The following NT5DC3 variants were observed in gnomAD, a reference collection of about 807,000 sequenced individuals.
NT5DC3 encodes the protein 5'-nucleotidase domain-containing protein 3.
In NT5DC3, 42 loss-of-function variants were observed where a neutral mutation model predicts 67.8. The ratio of observed to expected loss-of-function variants is 0.62; its 90% CI spans 0.48 to 0.80. NT5DC3 has a LOEUF of 0.80. NT5DC3 is among the 30% of genes least tolerant of loss of function. NT5DC3 has a pLI of 0.00. For synonymous variants in NT5DC3, 237 were observed against 255.6 expected (o/e 0.93, Z 0.69); for missense variants, 570 against 696.4 (o/e 0.82, Z 2.04).
At position 103,841,234 on chromosome 12, in the gene NT5DC3, T is replaced by C; in HGVS notation, c.-78A>G. On this transcript the variant is annotated 5_prime_UTR_variant, in exon 1 of 14. Transcript: ENST00000392876. ...CCCGGCCCAAGATCTACCCGCGCTC[T>C]GCCCTGCAGGAGGGCAGCTCCTGCG... 1 of 480,612 alleles carries C rather than the reference T, an allele frequency of 2.1e-6. No individual in the cohort carries two copies. The highest frequency in any genetic ancestry group is 3.6e-6 in the Non-Finnish European group (1 of 275,120). The allele number at this position is 480,612 out of a possible 1,614,324, so 29.8% of individuals were successfully genotyped here. A position where few individuals can be genotyped will look rare whatever the true frequency, so the allele number is the denominator to read the frequency against.
intron 1 of NT5DC3, among the ~76,000 whole-genome samples, chr12:103,824,601 C>T (rs1435289933): frequency 6.6e-6 from 1 of 152,168 alleles, no homozygotes; most frequent in Non-Finnish European, 1.5e-5. Context: ...TGTATTTTCA[C>T]TTTATAGTTT....
intron 6 of NT5DC3, among the ~76,000 whole-genome samples, chr12:103,795,622 T>C (rs1886276848): frequency 6.6e-6 from 1 of 152,118 alleles, no homozygotes; most frequent in Non-Finnish European, 1.5e-5. Context: ...CTTATAAATA[T>C]ATAACAAAAA....
At chr12:103,810,551 A>G (rs562810888) in intron 2 of NT5DC3, among the ~76,000 whole-genome samples, 3 of 152,268 alleles carry the variant, frequency 2.0e-5, no homozygotes, top group African/African-American at 2.4e-5. Context: ...AATATAAAAG[A>G]TAAAGCCCTT....
At chr12:103,815,866 GATTT>G (rs1466902592) in intron 1 of NT5DC3, among the ~76,000 whole-genome samples, 1 of 152,096 alleles carries the variant, frequency 6.6e-6, no homozygotes, top group Non-Finnish European at 1.5e-5. Context: ...TCACAAAAAA[GATTT>G]GTTTAAAAAA....
At chr12:103,823,200 T>C (rs961029804) in intron 1 of NT5DC3, among the ~76,000 whole-genome samples, 22 of 151,220 alleles carry the variant, frequency 1.5e-4, no homozygotes, top group African/African-American at 5.3e-4. Flanking sequence ...AGGTGAAAAA[T>C]TTCCCGGAGA....
rs137949056 is a variant in NT5DC3, at chr12:103,779,252, C to T, written c.1394+1048G>A. Among the ~76,000 whole-genome samples, 449 of 152,262 alleles carry T rather than the reference C, an allele frequency of 2.9e-3. 2 individuals carry two copies. Among genetic ancestry groups the T allele is most frequent in the Middle Eastern group, 0.024 (7 of 294 alleles). ...CCATAACCCCCTGCAGTCATCCTTACGGGCATGTATATCTATATCAACATC... is the reference window on the plus strand; with the variant it reads ...CCATAACCCCCTGCAGTCATCCTTATGGGCATGTATATCTATATCAACATC... On this transcript the variant is annotated intron_variant, in intron 13 of 13. Transcript: ENST00000392876.
chr12:103,801,800 T>C (rs1485102225), intron 4 of NT5DC3, among the ~76,000 whole-genome samples: 1 of 152,140 alleles, frequency 6.6e-6, no homozygotes, highest in Non-Finnish European at 1.5e-5. Context: ...AGAATGGAAA[T>C]GGCCACACGC....
chr12:103,786,137 C>T lies in NT5DC3; in HGVS notation c.1189-662G>A, dbSNP rs1051071718. ...CAATGCACAAAAAAACTGAGAAATC[C>T]CAGCCCTCGTGGAAAATACAGACAA... On this transcript the variant is annotated intron_variant, in intron 11 of 13. Transcript: ENST00000392876. Among the ~76,000 whole-genome samples the T allele has an allele frequency of 2.6e-5, 4 of 151,874 alleles. No individual in the cohort carries two copies. The East Asian group carries it at 5.8e-4, about 22-fold the overall frequency.
chr12:103,793,928 A>G lies in NT5DC3; in HGVS notation c.814+9T>C. The G allele has an allele frequency of 6.2e-7, 1 of 1,604,394 alleles. No individual in the cohort carries two copies. Among genetic ancestry groups the G allele is most frequent in the South Asian group, 1.1e-5 (1 of 90,792 alleles). On this transcript the variant is annotated intron_variant, in intron 7 of 13. Coordinates refer to ENST00000392876, the MANE Select transcript of NT5DC3 (RefSeq NM_001031701.3). ...TGAAACTCTCTTCGTGATACTGCTG[A>G]GCACATACCAATGTCTGCTTCAATT...
At position 103,778,051 on chromosome 12, in the gene NT5DC3, C is replaced by A. The variant is rs771399204; in HGVS notation, c.1425G>T (p.Gln475His). ...REMTKSFFNA[Q>H]FGSLFRTDQN... is the part of the protein sequence containing the mutation. ...GGTCTGTGCGGAACAGGCTTCCAAA[C>A]TGGGCATTGAAGAAACTCTTGGTCA... is the stretch of plus-strand genomic sequence containing the variant. Residue 475 changes from glutamine to histidine, a missense_variant, in exon 14 of 14, where the codon CAG (glutamine) becomes CAT (histidine). Coordinates refer to ENST00000392876, the MANE Select transcript of NT5DC3 (RefSeq NM_001031701.3). 2 of 1,613,676 alleles carry A rather than the reference C, an allele frequency of 1.2e-6. No individual in the cohort carries two copies. The highest frequency in any genetic ancestry group is 1.7e-6 in the Non-Finnish European group (2 of 1,179,848).
In NT5DC3 at chr12:103,777,590, C is replaced by A; in HGVS notation, c.*239G>T. On this transcript the variant is annotated 3_prime_UTR_variant, in exon 14 of 14. Coordinates refer to ENST00000392876, the MANE Select transcript of NT5DC3 (RefSeq NM_001031701.3). ...TCCAGGACCTCAGTAAACAAAAAGG[C>A]AAAATCAGAGTTCCAATGTGAAGCT... 1.9e-6 allele frequency: 1 copy of A among 535,362 alleles called. No homozygotes were observed. The highest frequency in any genetic ancestry group is 3.0e-5 in the South Asian group (1 of 33,272). 33.2% of individuals were successfully genotyped at this position (535,362 alleles called of 1,614,324 possible). A position where few individuals can be genotyped will look rare whatever the true frequency, so the allele number is the denominator to read the frequency against.
At chr12:103,824,032 T>C (rs150942442) in intron 1 of NT5DC3, among the ~76,000 whole-genome samples, 2 of 152,342 alleles carry the variant, frequency 1.3e-5, no homozygotes, top group East Asian at 3.9e-4. Context: ...TCTTCTAATA[T>C]GCTAGGGAAC....
At chr12:103,748,033 A>C in the NT5DC3 span, among the ~76,000 whole-genome samples, 1 of 152,030 alleles carries the variant, frequency 6.6e-6, no homozygotes, top group East Asian at 1.9e-4. Context: ...GAAGAAGAAA[A>C]CAGAGACTAG....
In NT5DC3 at chr12:103,777,580, A is replaced by G. The variant is rs1431002408; in HGVS notation, c.*249T>C. ...AACCTGATGTTCCAGGACCTCAGTA[A>G]ACAAAAAGGCAAAATCAGAGTTCCA... On this transcript the variant is annotated 3_prime_UTR_variant, in exon 14 of 14. Coordinates refer to ENST00000392876, the MANE Select transcript of NT5DC3 (RefSeq NM_001031701.3). The G allele has an allele frequency of 1.9e-6, 1 of 522,688 alleles. No individual in the cohort carries two copies. The highest frequency in any genetic ancestry group is 1.9e-5 in the African/African-American group (1 of 52,774). 32.4% of individuals were successfully genotyped at this position (522,688 alleles called of 1,614,324 possible).
chr12:103,812,468 G>C (rs1887074724), intron 2 of NT5DC3, among the ~76,000 whole-genome samples: 1 of 152,070 alleles, frequency 6.6e-6, no homozygotes, highest in East Asian at 1.9e-4. Context: ...AAATCTAGAG[G>C]CTTTTCAAAT....
the NT5DC3 span, chr12:103,749,057 A>T: frequency 4.8e-5 from 77 of 1,613,988 alleles, no homozygotes; most frequent in South Asian, 7.8e-4. Context: ...GCCAGAAGGG[A>T]TACAAAGGGG....
At chr12:103,786,119 C>CA (rs932886072) in intron 11 of NT5DC3, among the ~76,000 whole-genome samples, 5 of 151,812 alleles carry the variant, frequency 3.3e-5, no homozygotes, top group African/African-American at 9.7e-5. Flanking sequence ...AAACAATGCA[C>CA]AAAAAAACTG....
At chr12:103,810,154 A>G (rs1886969690) in intron 2 of NT5DC3, among the ~76,000 whole-genome samples, 1 of 151,984 alleles carries the variant, frequency 6.6e-6, no homozygotes, top group Admixed American at 6.6e-5. Context: ...AGCCCCTGCT[A>G]CTCTCCTGTA....
chr12:103,763,608 G>C, the NT5DC3 span: 1 of 1,613,134 alleles, frequency 6.2e-7, no homozygotes, highest in African/African-American at 1.3e-5. Flanking sequence ...ACCCCTTCAC[G>C]GTGAGTTTGC....
Sources: allele counts gnomAD v4.1 joint callset (sites outside exome capture counted in the v4.1 genomes callset), GRCh38; gene constraint gnomAD v4.1.1; transcripts MANE v1.5; gene names NCBI Gene and HGNC (gene_info 2026-07-23, HGNC 2026-07-21).